Variants in ERCC8 observed in about 807,000 individuals in gnomAD.
The protein encoded by ERCC8 is DNA excision repair protein ERCC-8.
Under a neutral mutation model 54.9 loss-of-function variants are expected in ERCC8, and 52 were observed. The ratio of observed to expected loss-of-function variants is 0.95; its 90% confidence interval spans 0.76 to 1.19. ERCC8 has a LOEUF of 1.19. ERCC8 is among the 50% of genes most tolerant of loss of function. The probability of loss-of-function intolerance (pLI) is 0.00; values close to 1 mark genes in which losing one functional copy is unlikely to be tolerated. For synonymous variants in ERCC8, 146 were observed against 157.2 expected, an observed-to-expected ratio of 0.93 and a Z score of 0.53; for missense variants, 514 against 466.1, an observed-to-expected ratio of 1.10 and a Z score of -0.95.
At chr5:60,897,538 A>T (rs1235953726) in intron 9 of ERCC8, among the ~76,000 whole-genome samples, 5 of 152,314 alleles carry the variant, frequency 3.3e-5, no homozygotes, top group African/African-American at 1.2e-4. Context: ...AGCTTTTAGT[A>T]GTTTGTTCTG....
At chr5:60,917,887 T>C (rs1027184231) in intron 4 of ERCC8, 19 of 205,414 alleles carry the variant, frequency 9.2e-5, no homozygotes, top group Non-Finnish European at 2.0e-5. Context: ...ATTTTCTACT[T>C]TAGATTACTA....
chr5:60,900,341 C>T (rs1012923593), intron 7 of ERCC8, among the ~76,000 whole-genome samples: 4 of 151,838 alleles, frequency 2.6e-5, no homozygotes, highest in Admixed American at 6.6e-5. Context: ...AAAGGCAAAT[C>T]TATGATCAGA....
rs547241168 is a variant in ERCC8, at chr5:60,934,214, T to C, written c.78-5255A>G. Among the ~76,000 whole-genome samples, 23 of 152,348 alleles carry C rather than the reference T, an allele frequency of 1.5e-4. No individual in the cohort carries two copies. The South Asian group carries it at 4.6e-3, about 30-fold the overall frequency. Reference sequence around the variant, plus strand: ...GACATTCCCACTGGCAGTGGAAAAGTGTTCCCTTTTCACCATATCCATGCC... The same window carrying C: ...GACATTCCCACTGGCAGTGGAAAAGCGTTCCCTTTTCACCATATCCATGCC... On this transcript the variant is annotated intron_variant, in intron 1 of 11. Coordinates refer to ENST00000676185, the MANE Select transcript of ERCC8 (RefSeq NM_000082.4).
rs145298549 is a variant in ERCC8, at chr5:60,933,323, A to G, written c.78-4364T>C. ...AACCTCCAACTCCCAGGTTCAAGTG[A>G]TTCTCCTGCCTCAGCCACCTGAGTA... On this transcript the variant is annotated intron_variant, in intron 1 of 11. Transcript: ENST00000676185. Among the ~76,000 whole-genome samples the G allele has an allele frequency of 1.6e-3, 228 of 139,370 alleles. 2 individuals carry two copies. In the East Asian group the frequency reaches 0.042, roughly 26 times the overall value. The allele number at this position is 139,370 out of a possible 152,430, so 91.4% of individuals were successfully genotyped here.
At chr5:60,923,562 C>A (rs1417078460) in intron 2 of ERCC8, among the ~76,000 whole-genome samples, 2 of 151,978 alleles carry the variant, frequency 1.3e-5, no homozygotes, top group African/African-American at 4.8e-5. Context: ...GAAAATTCTG[C>A]AAAATGGAGG....
At chr5:60,906,987 C>G (rs769809365) in intron 4 of ERCC8, among the ~76,000 whole-genome samples, 1 of 152,126 alleles carries the variant, frequency 6.6e-6, no homozygotes, top group Non-Finnish European at 1.5e-5. Flanking sequence ...AAAAAAAGGC[C>G]ATGAGCCAGA....
At chr5:60,898,649 G>A (rs940980236) in intron 8 of ERCC8, among the ~76,000 whole-genome samples, 88 of 151,378 alleles carry the variant, frequency 5.8e-4, no homozygotes, top group African/African-American at 2.0e-3. Context: ...TTTCCAGCAA[G>A]GAAATTGTGC....
chr5:60,932,733 G>A (rs1412678977), intron 1 of ERCC8, among the ~76,000 whole-genome samples: 1 of 152,124 alleles, frequency 6.6e-6, no homozygotes, highest in Non-Finnish European at 1.5e-5. Flanking sequence ...TGAGTTCTCA[G>A]CCCTTCTAGA....
intron 11 of ERCC8, among the ~76,000 whole-genome samples, chr5:60,885,015 T>A (rs1465865309): frequency 8.6e-6 from 1 of 115,814 alleles, no homozygotes; most frequent in Non-Finnish European, 1.7e-5. Flanking sequence ...ACATATTATC[T>A]TTTTTTTTTT....
intron 11 of ERCC8, among the ~76,000 whole-genome samples, chr5:60,881,730 G>A (rs1748234064): frequency 6.6e-6 from 1 of 152,204 alleles, no homozygotes; most frequent in Non-Finnish European, 1.5e-5. Flanking sequence ...TAGGGTGGGA[G>A]TGACCCGATT....
At position 60,903,690 on chromosome 5, in the gene ERCC8, G is replaced by A; in HGVS notation, c.508C>T (p.Leu170Phe). The change falls in exon 6 of 12, where the codon CTT becomes TTT. Residue 170 changes from leucine (L) to phenylalanine (F), a missense_variant. Transcript: ENST00000676185. ...CAGGATCCAGACTTCAAGTCACAAA[G>A]TTGTACTTTGGGTCCTCTAGTACCA... is the stretch of plus-strand genomic sequence containing the variant. ...AVGTRGPKVQ[L>F]CDLKSGSCSH... 6.2e-7 allele frequency: 1 copy of A among 1,612,684 alleles called. No homozygotes were observed. The highest frequency in any genetic ancestry group is 8.5e-7 in the Non-Finnish European group (1 of 1,179,248).
intron 1 of ERCC8, among the ~76,000 whole-genome samples, chr5:60,936,708 G>C (rs970326478): frequency 1.1e-4 from 16 of 152,112 alleles, no homozygotes; most frequent in Non-Finnish European, 1.8e-4. Flanking sequence ...CAGAGGTTTT[G>C]ACAGGTTGTG....
At chr5:60,889,678 A>G (rs941459440) in intron 10 of ERCC8, among the ~76,000 whole-genome samples, 10 of 152,218 alleles carry the variant, frequency 6.6e-5, no homozygotes, top group Non-Finnish European at 1.5e-4. Context: ...ATTTGTGGTT[A>G]GAGTACCTGG....
At chr5:60,911,973 C>T (rs914348727) in intron 4 of ERCC8, among the ~76,000 whole-genome samples, 39 of 152,228 alleles carry the variant, frequency 2.6e-4, no homozygotes, top group South Asian at 6.2e-4. Context: ...GTACCAGTAC[C>T]ATGCTGTTTT....
At chr5:60,927,901 G>A (rs1246312676) in intron 2 of ERCC8, among the ~76,000 whole-genome samples, 1 of 152,164 alleles carries the variant, frequency 6.6e-6, no homozygotes, top group African/African-American at 2.4e-5. Flanking sequence ...GAAGTAAAAA[G>A]TGGAAGTTTA....
At chr5:60,913,644 T>G (rs1749340608) in intron 4 of ERCC8, among the ~76,000 whole-genome samples, 2 of 152,056 alleles carry the variant, frequency 1.3e-5, no homozygotes, top group African/African-American at 2.4e-5. Context: ...ACTTTTGAAT[T>G]TGTTTGCTCT....
intron 4 of ERCC8, among the ~76,000 whole-genome samples, chr5:60,908,440 A>T (rs1456452360): frequency 1.3e-5 from 2 of 151,912 alleles, no homozygotes; most frequent in Non-Finnish European, 2.9e-5. Context: ...TAAATCCCTC[A>T]AACTCAACAA....
chr5:60,936,057 G>A (rs1053835211), intron 1 of ERCC8, among the ~76,000 whole-genome samples: 2 of 152,316 alleles, frequency 1.3e-5, no homozygotes, highest in South Asian at 2.1e-4. Context: ...AGGATTTAGG[G>A]AGGAATCCCT....
chr5:60,915,817 C>A (rs934144331), intron 4 of ERCC8, among the ~76,000 whole-genome samples: 8 of 152,028 alleles, frequency 5.3e-5, no homozygotes, highest in African/African-American at 1.9e-4. Flanking sequence ...TCAGTATTAT[C>A]TCCCTGTCTT....
Sources: gnomAD v4.1 joint callset for allele counts (sites outside exome capture counted in the v4.1 genomes callset) on GRCh38, gnomAD v4.1.1 for gene constraint, MANE v1.5 for transcripts, NCBI Gene and HGNC (gene_info 2026-07-23, HGNC 2026-07-21) for gene names.